CNTN5: variants seen among roughly 807,000 people sequenced by gnomAD.
The protein encoded by CNTN5 is contactin 5.
CNTN5 carries 77 observed loss-of-function variants against 129.1 expected under a neutral mutation model. That is an observed-to-expected ratio of 0.60 (90% confidence interval 0.50 to 0.72). CNTN5 has a LOEUF of 0.72. Ranked by LOEUF, CNTN5 falls within the 30% of genes least tolerant of loss-of-function variation. The probability of loss-of-function intolerance (pLI) is 0.00; values close to 1 mark genes in which losing one functional copy is unlikely to be tolerated. For missense variants in CNTN5, 1,478 were observed against 1,328.8 expected, an observed-to-expected ratio of 1.11 and a Z score of -1.75; for synonymous variants, 509 against 465.6, an observed-to-expected ratio of 1.09 and a Z score of -1.20.
chr11:99,452,662 C>A (rs900758061), intron 2 of CNTN5, among the ~76,000 whole-genome samples: 1 of 152,018 alleles, frequency 6.6e-6, no homozygotes, highest in Non-Finnish European at 1.5e-5. Context: ...TGTGAGCCAC[C>A]GCGCCTGGCC....
At chr11:99,234,786 G>C (rs1017900199) in intron 1 of CNTN5, among the ~76,000 whole-genome samples, 5 of 151,956 alleles carry the variant, frequency 3.3e-5, no homozygotes, top group African/African-American at 1.2e-4. Flanking sequence ...TAATAACCTT[G>C]TGCCTAAGAA....
rs57810491 is a variant in CNTN5 at position 99,166,397 on chromosome 11, C to CAA, written c.-210+145146_-210+145147dup. Among the ~76,000 whole-genome samples, 454 of 82,802 alleles carry CAA rather than the reference C, an allele frequency of 5.5e-3. 4 individuals are homozygous for CAA. Among genetic ancestry groups the CAA allele is most frequent in the African/African-American group, 0.015 (333 of 21,766 alleles). The allele number at this position is 82,802 out of a possible 152,430, so 54.3% of individuals were successfully genotyped here. Reference sequence around the variant, plus strand: ...CCTGGGCCACAGAGCAAGACTCTGTCAAAAAAAAAAAAAAAAAAAAGAGTA... The same window carrying CAA: ...CCTGGGCCACAGAGCAAGACTCTGTCAAAAAAAAAAAAAAAAAAAAAAGAGTA... On this transcript the variant is annotated intron_variant, in intron 1 of 24. Coordinates refer to ENST00000524871, the MANE Select transcript of CNTN5 (RefSeq NM_014361.4).
intron 1 of CNTN5, among the ~76,000 whole-genome samples, chr11:99,302,934 G>T (rs1864709418): frequency 1.3e-5 from 2 of 151,164 alleles, no homozygotes; most frequent in Admixed American, 1.3e-4. Context: ...ATTTAATATA[G>T]CTTATACATA....
intron 21 of CNTN5, among the ~76,000 whole-genome samples, chr11:100,324,822 T>G (rs1391767233): frequency 2.0e-5 from 3 of 152,222 alleles, no homozygotes; most frequent in African/African-American, 7.2e-5. Context: ...TCATATCATC[T>G]AATCACTGTT....
intron 2 of CNTN5, among the ~76,000 whole-genome samples, chr11:99,383,297 G>A (rs892178944): frequency 6.6e-6 from 1 of 152,194 alleles, no homozygotes; most frequent in African/African-American, 2.4e-5. Context: ...TGAGTTACTA[G>A]CTTTGTTTCT....
intron 1 of CNTN5, among the ~76,000 whole-genome samples, chr11:99,250,066 T>C (rs1007772339): frequency 6.6e-6 from 1 of 151,998 alleles, no homozygotes; most frequent in African/African-American, 2.4e-5. Context: ...AGTGAAGGCA[T>C]AGACACTTCA....
At chr11:99,702,188 A>G (rs762025549) in intron 3 of CNTN5, among the ~76,000 whole-genome samples, 9 of 150,966 alleles carry the variant, frequency 6.0e-5, no homozygotes, top group Non-Finnish European at 1.2e-4. Flanking sequence ...TTTTATGCAC[A>G]AGTTATTTGC....
chr11:100,350,762 G>T lies in CNTN5; in HGVS notation c.3091G>T (p.Ala1031Ser). 6.2e-7 allele frequency: 1 copy of T among 1,608,498 alleles called. No individual in the cohort carries two copies. The highest frequency in any genetic ancestry group is 8.5e-7 in the Non-Finnish European group (1 of 1,176,504). Reference sequence around the variant, plus strand: ...AGTTATTGAAACACAGAAACTTCAAGCAGTAGTACCACTCCCAGATGCTGG... The same window carrying T: ...AGTTATTGAAACACAGAAACTTCAATCAGTAGTACCACTCCCAGATGCTGG... The part of the protein sequence containing the change: ...SQVIETQKLQ[A>S]VVPLPDAGVY... Residue 1031 changes from alanine (A) to serine (S), a missense_variant, in exon 24 of 25, where the codon GCA becomes TCA. Physicochemically the swap from Ala to Ser is moderately conservative, Grantham distance 99. Transcript: ENST00000524871.
chr11:99,154,455 G>C (rs759337916), intron 1 of CNTN5, among the ~76,000 whole-genome samples: 1 of 152,176 alleles, frequency 6.6e-6, no homozygotes, highest in Admixed American at 6.5e-5. Context: ...CTAGGTTCCC[G>C]TGTTTGAGCA....
chr11:100,057,591 C>G (rs1290508748), intron 9 of CNTN5, among the ~76,000 whole-genome samples: 1 of 151,820 alleles, frequency 6.6e-6, no homozygotes, highest in Non-Finnish European at 1.5e-5. Context: ...CAAAATTCCA[C>G]TGCCCTAAAG....
At chr11:100,307,718 A>T (rs1591500338) in intron 20 of CNTN5, among the ~76,000 whole-genome samples, 2 of 151,820 alleles carry the variant, frequency 1.3e-5, no homozygotes, top group South Asian at 4.1e-4. Flanking sequence ...TGGAACAACA[A>T]AAAGTATCTA....
At chr11:99,896,583 C>T (rs1470177179) in intron 6 of CNTN5, among the ~76,000 whole-genome samples, 1 of 152,142 alleles carries the variant, frequency 6.6e-6, no homozygotes, top group African/African-American at 2.4e-5. Flanking sequence ...CTGCCTGATC[C>T]CTACAATCAT....
At chr11:99,786,766 A>G (rs1169315726) in intron 3 of CNTN5, among the ~76,000 whole-genome samples, 1 of 152,194 alleles carries the variant, frequency 6.6e-6, no homozygotes, top group African/African-American at 2.4e-5. Context: ...AGGATTCCCT[A>G]TTTAGTAAAT....
intron 1 of CNTN5, among the ~76,000 whole-genome samples, chr11:99,156,851 T>A (rs909503486): frequency 6.6e-6 from 1 of 152,020 alleles, no homozygotes; most frequent in Non-Finnish European, 1.5e-5. Context: ...TAATGCAATA[T>A]TTTTTAAACA....
intron 3 of CNTN5, among the ~76,000 whole-genome samples, chr11:99,625,576 CATTAA>C (rs1331767236): frequency 1.3e-5 from 2 of 152,132 alleles, no homozygotes; most frequent in South Asian, 4.1e-4. Context: ...GACCAAAATA[CATTAA>C]GATATGTACA....
intron 3 of CNTN5, among the ~76,000 whole-genome samples, chr11:99,580,455 G>C (rs1401927132): frequency 6.6e-6 from 1 of 152,034 alleles, no homozygotes; most frequent in African/African-American, 2.4e-5. Flanking sequence ...GAATCCATCT[G>C]GTCCTGGACT....
At chr11:99,568,627 C>T (rs891539631) in intron 3 of CNTN5, among the ~76,000 whole-genome samples, 5 of 152,048 alleles carry the variant, frequency 3.3e-5, no homozygotes, top group Non-Finnish European at 5.9e-5. Flanking sequence ...GACATAAGTG[C>T]GATGCAGAAT....
chr11:99,526,169 T>G (rs1343533850), intron 2 of CNTN5, among the ~76,000 whole-genome samples: 6 of 152,184 alleles, frequency 3.9e-5, no homozygotes, highest in African/African-American at 1.2e-4. Context: ...GACTTGCCAA[T>G]AACTTGATCT....
chr11:100,257,055 T>G (rs527552055), intron 17 of CNTN5, among the ~76,000 whole-genome samples: 1 of 152,134 alleles, frequency 6.6e-6, no homozygotes, highest in East Asian at 1.9e-4. Context: ...ATTCACGAAA[T>G]TCTCAACAGT....
Sources: allele counts gnomAD v4.1 joint callset (sites outside exome capture counted in the v4.1 genomes callset), GRCh38; gene constraint gnomAD v4.1.1; transcripts MANE v1.5; gene names NCBI Gene and HGNC (gene_info 2026-07-23, HGNC 2026-07-21).